Variants in NXPE2 observed in about 807,000 individuals in gnomAD.
NXPE2 encodes the protein NXPE family member 2.
In NXPE2, 34 loss-of-function variants were observed where a neutral mutation model predicts 34.4. The observed-to-expected ratio is 0.99, with a 90% CI of 0.75 to 1.31. NXPE2 has a LOEUF of 1.31. Among genes scored for constraint, NXPE2 ranks in the 40% most tolerant of loss-of-function variants. The pLI is 0.00. For synonymous variants in NXPE2, 235 were observed against 231.3 expected (o/e 1.02, Z -0.15); for missense variants, 649 against 672.5 (o/e 0.97, Z 0.39).
chr11:114,797,270 T>G, the NXPE2 span, among the ~76,000 whole-genome samples: 1 of 152,238 alleles, frequency 6.6e-6, no homozygotes, highest in African/African-American at 2.4e-5. Context: ...TCCTCTTAAC[T>G]TCCTGGAACT....
the NXPE2 span, among the ~76,000 whole-genome samples, chr11:114,605,655 G>A: frequency 6.6e-6 from 1 of 151,822 alleles, no homozygotes; most frequent in Non-Finnish European, 1.5e-5. Context: ...GTTAGCTGGT[G>A]GATAATACAT....
the NXPE2 span, among the ~76,000 whole-genome samples, chr11:114,639,339 G>A: frequency 6.6e-6 from 1 of 151,944 alleles, no homozygotes; most frequent in Non-Finnish European, 1.5e-5. Flanking sequence ...TATTAGGGTG[G>A]GAGTGACCCG....
At chr11:114,544,604 A>G in the NXPE2 span, among the ~76,000 whole-genome samples, 5 of 152,210 alleles carry the variant, frequency 3.3e-5, no homozygotes, top group African/African-American at 2.4e-5. Flanking sequence ...CTAAATAAAT[A>G]TAAAATCTAA....
In NXPE2 at chr11:114,705,814, G is replaced by A. The variant is rs1392640191; in HGVS notation, c.962G>A (p.Gly321Glu). The change falls in exon 5 of 6, where the codon GGA becomes GAA. Residue 321 changes from glycine (G) to glutamate (E), a missense_variant. Gly to Glu is a moderately conservative substitution (Grantham distance 98). Coordinates refer to ENST00000389586, the MANE Select transcript of NXPE2 (RefSeq NM_182495.6). ...AACATAAAAAAGAACTGCCAGATTG[G>A]AATGAAGACTCCTTTCCCCAGTGGT... ...SENIKKNCQI[G>E]MKTPFPSGYT... is the part of the protein sequence containing the mutation. 2.1e-5 allele frequency: 32 copies of A among 1,519,904 alleles called. No homozygotes were observed. The Admixed American group carries it at 2.4e-4, about 12-fold the overall frequency. The allele number at this position is 1,519,904 out of a possible 1,614,324, so 94.2% of individuals were successfully genotyped here.
chr11:114,766,487 T>A, the NXPE2 span, among the ~76,000 whole-genome samples: 1 of 152,164 alleles, frequency 6.6e-6, no homozygotes, highest in Non-Finnish European at 1.5e-5. Flanking sequence ...AATTCTTCTA[T>A]TCTGGCTTTT....
At chr11:114,601,724 T>A in the NXPE2 span, among the ~76,000 whole-genome samples, 228 of 71,214 alleles carry the variant, frequency 3.2e-3, 9 homozygotes, top group African/African-American at 0.012. Context: ...TATATTATAA[T>A]TATATATTAT....
the NXPE2 span, among the ~76,000 whole-genome samples, chr11:114,762,748 G>A: frequency 6.6e-6 from 1 of 152,132 alleles, no homozygotes; most frequent in African/African-American, 2.4e-5. Flanking sequence ...CAGGCCTTCT[G>A]AGGTCATTTC....
At chr11:114,685,878 G>GA (rs1268713681) in intron 2 of NXPE2, among the ~76,000 whole-genome samples, 6 of 151,924 alleles carry the variant, frequency 3.9e-5, no homozygotes, top group Admixed American at 3.9e-4. Context: ...CAAAATCATA[G>GA]AAATAAATAA....
the NXPE2 span, among the ~76,000 whole-genome samples, chr11:114,664,800 G>A: frequency 9.9e-4 from 151 of 152,208 alleles, no homozygotes; most frequent in African/African-American, 3.3e-3. Context: ...GCAGGGCAGC[G>A]GCAGAGAGCC....
chr11:114,565,936 A>G, the NXPE2 span, among the ~76,000 whole-genome samples: 3 of 149,952 alleles, frequency 2.0e-5, no homozygotes, highest in African/African-American at 7.5e-5. Context: ...CATATATTGT[A>G]AAAAAAAATA....
At chr11:114,488,660 T>C in the NXPE2 span, among the ~76,000 whole-genome samples, 1 of 152,014 alleles carries the variant, frequency 6.6e-6, no homozygotes, top group Non-Finnish European at 1.5e-5. Flanking sequence ...TTGAAACCAA[T>C]GAGAACAAAG....
the NXPE2 span, among the ~76,000 whole-genome samples, chr11:114,773,303 C>T: frequency 7.7e-6 from 1 of 129,928 alleles, no homozygotes; most frequent in Non-Finnish European, 1.6e-5. Flanking sequence ...CCATTCTGGG[C>T]ACTCATAGCT....
chr11:114,761,521 G>A, the NXPE2 span, among the ~76,000 whole-genome samples: 3 of 148,496 alleles, frequency 2.0e-5, no homozygotes, highest in African/African-American at 5.0e-5. Context: ...CATGCTAAAT[G>A]TCTTCATCCT....
the NXPE2 span, among the ~76,000 whole-genome samples, chr11:114,612,017 G>T: frequency 1.3e-5 from 2 of 151,836 alleles, no homozygotes; most frequent in Admixed American, 6.6e-5. Flanking sequence ...TGCCTCATGG[G>T]TAACCACTGT....
chr11:114,803,415 A>T, the NXPE2 span, among the ~76,000 whole-genome samples: 1 of 152,316 alleles, frequency 6.6e-6, no homozygotes, highest in East Asian at 1.9e-4. Context: ...AGACTGGGTA[A>T]CTTATAAACA....
At chr11:114,510,738 T>C in the NXPE2 span, among the ~76,000 whole-genome samples, 1 of 152,312 alleles carries the variant, frequency 6.6e-6, no homozygotes. Context: ...CTGATAGTGC[T>C]GGTATTTTGG....
chr11:114,794,119 T>A, the NXPE2 span, among the ~76,000 whole-genome samples: 1 of 152,196 alleles, frequency 6.6e-6, no homozygotes, highest in Non-Finnish European at 1.5e-5. Context: ...TAGCACTTCC[T>A]GCTGAGTCTC....
the NXPE2 span, among the ~76,000 whole-genome samples, chr11:114,802,547 G>A: frequency 6.6e-6 from 1 of 152,166 alleles, no homozygotes; most frequent in East Asian, 1.9e-4. Context: ...GGTCTAGCGT[G>A]GACTTTCTTA....
At chr11:114,596,038 A>G in the NXPE2 span, among the ~76,000 whole-genome samples, 1 of 152,194 alleles carries the variant, frequency 6.6e-6, no homozygotes, top group Admixed American at 6.5e-5. Context: ...TGATGAGAAA[A>G]AGAGCCACAA....
Sources: gnomAD v4.1 joint callset for allele counts (sites outside exome capture counted in the v4.1 genomes callset) on GRCh38, gnomAD v4.1.1 for gene constraint, MANE v1.5 for transcripts, NCBI Gene and HGNC (gene_info 2026-07-23, HGNC 2026-07-21) for gene names.